ERC2: variants seen among roughly 807,000 people sequenced by gnomAD.
ERC2 encodes the protein ERC protein 2.
Under a neutral mutation model 114.8 loss-of-function variants are expected in ERC2, and 42 were observed. The observed-to-expected ratio is 0.37, with a 90% CI of 0.29 to 0.47. The LOEUF is 0.47. Among genes scored for constraint, ERC2 ranks in the 20% least tolerant of loss-of-function variants. The pLI is 0.99. For missense variants in ERC2, 939 were observed against 1,150.7 expected (o/e 0.82, Z 2.66); for synonymous variants, 454 against 425.5 (o/e 1.07, Z -0.82).
At chr3:56,311,526 C>A (rs1188747612) in intron 2 of ERC2, among the ~76,000 whole-genome samples, 3 of 151,648 alleles carry the variant, frequency 2.0e-5, no homozygotes, top group African/African-American at 7.3e-5. Flanking sequence ...GTCTCAATCT[C>A]CTGACCTCGT....
intron 2 of ERC2, among the ~76,000 whole-genome samples, chr3:56,360,117 T>A (rs1297438339): frequency 1.5e-5 from 2 of 132,860 alleles, no homozygotes; most frequent in East Asian, 2.3e-4. Flanking sequence ...CAGGCTGGAG[T>A]GCAGTGAGGT....
At chr3:56,080,609 A>C (rs1390757584) in intron 7 of ERC2, among the ~76,000 whole-genome samples, 1 of 152,218 alleles carries the variant, frequency 6.6e-6, no homozygotes, top group African/African-American at 2.4e-5. Context: ...ATCACTATTT[A>C]GTTTCTAGGT....
At chr3:55,922,445 C>T (rs2065482063) in intron 13 of ERC2, among the ~76,000 whole-genome samples, 1 of 152,044 alleles carries the variant, frequency 6.6e-6, no homozygotes, top group African/African-American at 2.4e-5. Flanking sequence ...CACTTTTGGT[C>T]TCTCTGTGTC....
In ERC2 at chr3:56,281,122, C is replaced by T. The variant is rs565255712; in HGVS notation, c.1074+14897G>A. The stretch of plus-strand genomic sequence containing the variant: ...CATTTTCTAAATGTATCGAATACTT[C>T]ATTTGCTATAGGACATTAAAAGTAT... On this transcript the variant is annotated intron_variant, in intron 3 of 17. Transcript: ENST00000288221. 1.6e-4 allele frequency among the ~76,000 whole-genome samples: 25 copies of T among 152,310 alleles called. No individual in the cohort carries two copies. In the South Asian group the frequency reaches 3.5e-3, roughly 21 times the overall value.
intron 2 of ERC2, among the ~76,000 whole-genome samples, chr3:56,346,531 T>A (rs1367414328): frequency 1.3e-5 from 2 of 152,184 alleles, no homozygotes; most frequent in Non-Finnish European, 2.9e-5. Context: ...AACTAAAATT[T>A]ACACTAGAGA....
intron 14 of ERC2, among the ~76,000 whole-genome samples, chr3:55,863,456 C>T (rs375952783): frequency 2.6e-5 from 4 of 152,144 alleles, no homozygotes; most frequent in African/African-American, 9.6e-5. Flanking sequence ...GAATATAGTT[C>T]CCTAATGCAA....
At chr3:56,404,725 T>A (rs551515485) in intron 2 of ERC2, among the ~76,000 whole-genome samples, 15 of 146,782 alleles carry the variant, frequency 1.0e-4, no homozygotes, top group African/African-American at 2.2e-4. Flanking sequence ...TTTTTTAATT[T>A]AAAAAAAAAA....
At chr3:55,676,371 C>T (rs1027815038) in intron 17 of ERC2, among the ~76,000 whole-genome samples, 1 of 151,864 alleles carries the variant, frequency 6.6e-6, no homozygotes, top group Non-Finnish European at 1.5e-5. Context: ...CTACCAAAGG[C>T]ACCTCTCTCC....
chr3:55,948,697 C>A (rs1275119335), intron 13 of ERC2, among the ~76,000 whole-genome samples: 1 of 152,194 alleles, frequency 6.6e-6, no homozygotes, highest in East Asian at 1.9e-4. Context: ...TATTGCTATA[C>A]AAAAGTTCAT....
rs558776523 is a variant in ERC2, at chr3:55,661,538, C to G, written c.*39+22256G>C. On this transcript the variant is annotated intron_variant, in intron 17 of 17. Coordinates refer to ENST00000288221, the MANE Select transcript of ERC2 (RefSeq NM_015576.3). ...TGCACCACTCTGACTCTTAGACTTT[C>G]TTTCTCGACTTTTAAGGGCTAATGT... 7.9e-4 allele frequency among the ~76,000 whole-genome samples: 120 copies of G among 152,296 alleles called. 1 individual carries two copies. Among genetic ancestry groups the G allele is most frequent in the South Asian group, 3.3e-3 (16 of 4,820 alleles).
At chr3:55,636,770 C>T (rs2059974154) in intron 17 of ERC2, among the ~76,000 whole-genome samples, 1 of 152,204 alleles carries the variant, frequency 6.6e-6, no homozygotes, top group Admixed American at 6.5e-5. Flanking sequence ...CAAAAACAGG[C>T]AGGGCACTGA....
At chr3:56,033,087 A>AGAAAGAAAGAAG (rs2074583752) in intron 7 of ERC2, among the ~76,000 whole-genome samples, 1 of 150,266 alleles carries the variant, frequency 6.7e-6, no homozygotes, top group African/African-American at 2.4e-5. Context: ...AAAGAAAGAA[A>AGAAAGAAAGAAG]AGTAAAGTAA....
rs527560361 is a variant in ERC2, at chr3:55,643,890, T to C, written c.*39+39904A>G. On this transcript the variant is annotated intron_variant, in intron 17 of 17. Transcript: ENST00000288221. Reference sequence around the variant, plus strand: ...AGCAGCTTTCACTATAAATATTTGGTCTCTGAGTTTCAAGATAAATGGAAA... The same window carrying C: ...AGCAGCTTTCACTATAAATATTTGGCCTCTGAGTTTCAAGATAAATGGAAA... Among the ~76,000 whole-genome samples the C allele has an allele frequency of 3.9e-5, 6 of 152,292 alleles. No individual in the cohort carries two copies. The East Asian group carries it at 9.6e-4, about 24-fold the overall frequency.
intron 14 of ERC2, among the ~76,000 whole-genome samples, chr3:55,743,137 A>G (rs907344809): frequency 1.3e-5 from 2 of 152,192 alleles, no homozygotes; most frequent in African/African-American, 4.8e-5. Flanking sequence ...GAAACCTAAT[A>G]GCACATGACT....
At chr3:55,579,096 T>C (rs993829797) in intron 17 of ERC2, among the ~76,000 whole-genome samples, 5 of 152,154 alleles carry the variant, frequency 3.3e-5, no homozygotes, top group Non-Finnish European at 7.4e-5. Context: ...CTATATAGCT[T>C]TTCCCACTTC....
At chr3:56,271,155 A>T (rs1241561791) in intron 3 of ERC2, among the ~76,000 whole-genome samples, 1 of 152,160 alleles carries the variant, frequency 6.6e-6, no homozygotes, top group Non-Finnish European at 1.5e-5. Context: ...CACTTTATCC[A>T]TTCTTTGTCT....
At chr3:55,867,799 A>G (rs1469621681) in intron 14 of ERC2, among the ~76,000 whole-genome samples, 1 of 152,196 alleles carries the variant, frequency 6.6e-6, no homozygotes, top group Non-Finnish European at 1.5e-5. Flanking sequence ...ATGTAATGTC[A>G]CTGCTATTGG....
At chr3:55,518,008 C>G (rs907813824) in intron 17 of ERC2, among the ~76,000 whole-genome samples, 1 of 152,150 alleles carries the variant, frequency 6.6e-6, no homozygotes, top group Non-Finnish European at 1.5e-5. Context: ...CCATGTGGGG[C>G]TGGATGATTC....
intron 2 of ERC2, among the ~76,000 whole-genome samples, chr3:56,322,215 C>G (rs190717290): frequency 6.6e-6 from 1 of 152,300 alleles, no homozygotes; most frequent in African/African-American, 2.4e-5. Flanking sequence ...AGTTGTTTAT[C>G]AAATAATAGC....
Sources: allele counts gnomAD v4.1 joint callset (sites outside exome capture counted in the v4.1 genomes callset), GRCh38; gene constraint gnomAD v4.1.1; transcripts MANE v1.5; gene names NCBI Gene and HGNC (gene_info 2026-07-23, HGNC 2026-07-21).